Variants in THBS2 observed in about 807,000 individuals in gnomAD.
THBS2 encodes the protein thrombospondin-2.
THBS2 carries 47 observed loss-of-function variants against 135.2 expected under a neutral mutation model. The ratio of observed to expected loss-of-function variants is 0.35; its 90% CI spans 0.28 to 0.44. The LOEUF (loss-of-function observed/expected upper bound fraction) is 0.44. Among genes scored for constraint, THBS2 ranks in the 20% least tolerant of loss-of-function variants. The probability of loss-of-function intolerance (pLI) is 1.00; values close to 1 mark genes in which losing one functional copy is unlikely to be tolerated. For missense variants in THBS2, 1,288 were observed against 1,603.1 expected, an observed-to-expected ratio of 0.80 and a Z score of 3.36; for synonymous variants, 639 against 633.8, an observed-to-expected ratio of 1.01 and a Z score of -0.12.
Position 169,230,497 on chromosome 6 carries a change from G to A in THBS2, c.2152-818C>T, listed in dbSNP as rs141879303. ...CATGTTGCTTGTCATGGAGGACACG[G>A]ATCCCAGACGGGGGCCCCTGGCAAT... On this transcript the variant is annotated intron_variant, in intron 13 of 21. Coordinates refer to ENST00000617924, the MANE Select transcript of THBS2 (RefSeq NM_003247.5). Among the ~76,000 whole-genome samples, 313 of 152,328 alleles carry A rather than the reference G, an allele frequency of 2.1e-3. 1 individual carries two copies. The highest frequency in any genetic ancestry group is 6.6e-3 in the African/African-American group (276 of 41,572).
At position 169,223,355 on chromosome 6, in the gene THBS2, A is replaced by G; in HGVS notation, c.2894T>C (p.Val965Ala). The G allele has an allele frequency of 6.2e-7, 1 of 1,614,110 alleles. No homozygotes were observed. Among genetic ancestry groups the G allele is most frequent in the Non-Finnish European group, 8.5e-7 (1 of 1,180,038 alleles). Residue 965 changes from valine to alanine, a missense_variant, in exon 18 of 22, where the codon GTC (valine) becomes GCC (alanine). By Grantham distance (64) the Val-to-Ala change is moderately conservative. Around this residue, in one of 2 missense-constraint regions of THBS2, gnomAD observed 874 missense variants for 1,156.1 expected, o/e 0.76. Coordinates refer to ENST00000617924, the MANE Select transcript of THBS2 (RefSeq NM_003247.5). Reference protein sequence around the residue: ...SETDFRNFQMVPLDPKGTTQI... With the variant: ...SETDFRNFQMAPLDPKGTTQI... Reference sequence around the variant, plus strand: ...GGTGGTCCCTTTGGGATCCAAGGGGACCATCTGGAAGTTCCTGAAGTCTGT... The same window carrying G: ...GGTGGTCCCTTTGGGATCCAAGGGGGCCATCTGGAAGTTCCTGAAGTCTGT...
rs375184414 is a variant in THBS2, at chr6:169,243,202, A to G, written c.695-1244T>C. Among the ~76,000 whole-genome samples the G allele has an allele frequency of 4.1e-3, 592 of 145,596 alleles. 7 individuals are homozygous for G. The highest frequency in any genetic ancestry group is 0.021 in the Middle Eastern group (6 of 282). ...ACCTTCCCACCTCTCCCACCTTCCC[A>G]CCACTCCCACCTTTCCACATTCCCA... On this transcript the variant is annotated intron_variant, in intron 4 of 21. Transcript: ENST00000617924.
rs1307344125 is a variant in THBS2, at chr6:169,241,425, GTA to G, written c.891+335_891+336del. Among the ~76,000 whole-genome samples, 186 of 75,834 alleles carry G rather than the reference GTA, an allele frequency of 2.5e-3. No individual in the cohort carries two copies. Among genetic ancestry groups the G allele is most frequent in the African/African-American group, 0.011 (176 of 15,920 alleles). 49.8% of individuals were successfully genotyped at this position (75,834 alleles called of 152,430 possible). A position where few individuals can be genotyped will look rare whatever the true frequency, so the allele number is the denominator to read the frequency against. On this transcript the variant is annotated intron_variant, in intron 5 of 21. Transcript: ENST00000617924. This position sits in a 1 kb window ranked among gnomAD's most constrained non-coding sequence, Gnocchi z 5.5. ...GGTGTGTGTGTGTGTGTATGTGTGT[GTA>G]TGTGTGTGTGTATGTGTGTGTGTGT... is the stretch of plus-strand genomic sequence containing the variant.
intron 3 of THBS2, among the ~76,000 whole-genome samples, chr6:169,247,885 CATGT>C (rs1780607911): frequency 6.6e-6 from 1 of 151,496 alleles, no homozygotes; most frequent in South Asian, 2.1e-4. Context: ...TGTGTGTTCA[CATGT>C]ATGTCTGTGT....
At chr6:169,238,404 C>T (rs938867862) in intron 7 of THBS2, among the ~76,000 whole-genome samples, 13 of 152,110 alleles carry the variant, frequency 8.5e-5, no homozygotes, top group African/African-American at 2.7e-4. Context: ...CCAGTGAATG[C>T]GCCATGACTC....
rs766657275 is a variant in THBS2, at chr6:169,241,741, G to A, written c.891+21C>T. 1.7e-5 allele frequency: 27 copies of A among 1,586,114 alleles called. No individual in the cohort carries two copies. Among genetic ancestry groups the A allele is most frequent in the Non-Finnish European group, 2.3e-5 (27 of 1,160,306 alleles). On this transcript the variant is annotated intron_variant, in intron 5 of 21. Transcript: ENST00000617924. The surrounding 1 kb of genome is among the most constrained non-coding windows in gnomAD (Gnocchi z 5.5). ...GCTGCCCATGCCCTATGACCCCCGC[G>A]GCCCCTGCGTGAGTACCCACCACTC...
At chr6:169,236,343 TC>T (rs1470338780) in intron 9 of THBS2, among the ~76,000 whole-genome samples, 7 of 22,202 alleles carry the variant, frequency 3.2e-4, no homozygotes, top group Admixed American at 1.4e-3. Flanking sequence ...CCACACTCAC[TC>T]CCCATCCACA....
chr6:169,247,531 G>GA (rs143213623), intron 3 of THBS2, among the ~76,000 whole-genome samples: 2 of 151,828 alleles, frequency 1.3e-5, no homozygotes, highest in Non-Finnish European at 2.9e-5. Flanking sequence ...TATGTGTGGG[G>GA]GATGTGTGAG....
Position 169,248,665 on chromosome 6 carries a change from C to T in THBS2, c.361G>A (p.Ala121Thr), listed in dbSNP as rs34332730. ...RQFEIVSNGPADTLDLTYWID... is the reference protein window; with the variant it reads ...RQFEIVSNGPTDTLDLTYWID... ...CAGTAGGTGAGATCCAGCGTGTCCG[C>T]GGGGCCGTTGGAGACGATCTCGAAC... The change falls in exon 3 of 22, where the codon GCG becomes ACG. Residue 121 changes from alanine to threonine, a missense_variant. By Grantham distance (58) the Ala-to-Thr change is moderately conservative. Transcript: ENST00000617924. 1.6e-3 allele frequency: 2,653 copies of T among 1,613,984 alleles called. 32 individuals carry two copies. The African/African-American group carries it at 0.03, about 18-fold the overall frequency.
chr6:169,244,600 G>GCACA (rs34824221), intron 4 of THBS2, among the ~76,000 whole-genome samples: 3 of 143,488 alleles, frequency 2.1e-5, no homozygotes, highest in South Asian at 2.2e-4. Context: ...ACACACGCAC[G>GCACA]CACACACACA....
At position 169,241,174 on chromosome 6, in the gene THBS2, T is replaced by C. The variant is rs999568540; in HGVS notation, c.892-582A>G. On this transcript the variant is annotated intron_variant, in intron 5 of 21. Transcript: ENST00000617924. This position sits in a 1 kb window ranked among gnomAD's most constrained non-coding sequence, Gnocchi z 5.5. ...AGCATCACTGCACCCTGGTTAGCCATGTGTATGTTGTGGGGCACCGTGGCC... is the reference window on the plus strand; with the variant it reads ...AGCATCACTGCACCCTGGTTAGCCACGTGTATGTTGTGGGGCACCGTGGCC... Among the ~76,000 whole-genome samples the C allele has an allele frequency of 9.2e-5, 14 of 152,210 alleles. No individual in the cohort carries two copies. In the South Asian group the frequency reaches 2.9e-3, roughly 32 times the overall value.
At chr6:169,230,645 T>C (rs1779799299) in intron 13 of THBS2, among the ~76,000 whole-genome samples, 1 of 152,210 alleles carries the variant, frequency 6.6e-6, no homozygotes, top group Non-Finnish European at 1.5e-5. Context: ...GCAAATTATA[T>C]ACCATTTTCG....
intron 5 of THBS2, among the ~76,000 whole-genome samples, chr6:169,240,842 G>C: frequency 6.6e-6 from 1 of 152,226 alleles, no homozygotes; most frequent in African/African-American, 2.4e-5. Context: ...CGGAAATCGC[G>C]TGGCTCACAT....
In THBS2 at chr6:169,246,203, G is replaced by T. The variant is rs752056371; in HGVS notation, c.688C>A (p.Gln230Lys). The change falls in exon 4 of 22, where the codon CAG becomes AAG. Residue 230 changes from glutamine to lysine, a missense_variant. Transcript: ENST00000617924. ...ILSKKGCQQGQGAEINAISEN... is the reference protein window; with the variant it reads ...ILSKKGCQQGKGAEINAISEN... Reference sequence around the variant, plus strand: ...TTTTTCACAACACACCTACCTCCCTGGCCTTGCTGGCAACCCTTCTTGCTT... The same window carrying T: ...TTTTTCACAACACACCTACCTCCCTTGCCTTGCTGGCAACCCTTCTTGCTT... 1 of 1,613,740 alleles carries T rather than the reference G, an allele frequency of 6.2e-7. No homozygotes were observed. The highest frequency in any genetic ancestry group is 1.1e-5 in the South Asian group (1 of 91,070).
At chr6:169,224,508 G>GGAC (rs1779548939) in intron 17 of THBS2, among the ~76,000 whole-genome samples, 1 of 151,058 alleles carries the variant, frequency 6.6e-6, no homozygotes, top group Admixed American at 6.6e-5. Flanking sequence ...CCTCTGTCAA[G>GGAC]GACGTGGCTT....
At chr6:169,247,383 GATGT>G (rs1312097151) in intron 3 of THBS2, among the ~76,000 whole-genome samples, 5 of 152,100 alleles carry the variant, frequency 3.3e-5, no homozygotes, top group African/African-American at 1.2e-4. Flanking sequence ...ATGTGTGATG[GATGT>G]ATGTGCATGC....
At position 169,217,606 on chromosome 6, in the gene THBS2, C is replaced by T; in HGVS notation, c.*216G>A. 2.0e-6 allele frequency: 1 copy of T among 508,658 alleles called. No homozygotes were observed. The highest frequency in any genetic ancestry group is 3.5e-6 in the Non-Finnish European group (1 of 284,506). The allele number at this position is 508,658 out of a possible 1,614,324, so 31.5% of individuals were successfully genotyped here. A position where few individuals can be genotyped will look rare whatever the true frequency, so the allele number is the denominator to read the frequency against. ...TCATATATCACCAAACTGGTTTCCT[C>T]TAGTGGGTTAGATGTTCATCTCTGA... is the stretch of plus-strand genomic sequence containing the variant. On this transcript the variant is annotated 3_prime_UTR_variant, in exon 22 of 22. Transcript: ENST00000617924.
At chr6:169,227,993 C>T in intron 15 of THBS2, 129 bp downstream of exon 15, 2 of 1,146,024 alleles carry the variant, frequency 1.7e-6, no homozygotes, top group Non-Finnish European at 1.2e-6. Flanking sequence ...AAGCAGGAGA[C>T]TCACTTGAAC....
At chr6:169,238,031 G>A (rs761393372) in intron 7 of THBS2, among the ~76,000 whole-genome samples, 6 of 152,182 alleles carry the variant, frequency 3.9e-5, no homozygotes, top group Non-Finnish European at 5.9e-5. Flanking sequence ...GAGCAAAAAC[G>A]CCTTTCTGGG....
Sources: gnomAD v4.1 joint callset for allele counts (sites outside exome capture counted in the v4.1 genomes callset) on GRCh38, gnomAD v4.1.1 for gene constraint, gnomAD v4.1.1 regional missense constraint, Gnocchi (gnomAD v3.1) non-coding constraint, MANE v1.5 for transcripts, NCBI Gene and HGNC (gene_info 2026-07-23, HGNC 2026-07-21) for gene names.